UPF2: variants seen among roughly 807,000 people sequenced by gnomAD.
The protein encoded by UPF2 is UPF2 regulator of nonsense mediated mRNA decay.
A neutral mutation model predicts 141.4 loss-of-function variants in UPF2; 17 were observed. That is an observed-to-expected ratio of 0.12 (90% CI 0.08 to 0.18). The LOEUF is 0.18. Ranked by LOEUF, UPF2 falls within the 10% of genes least tolerant of loss-of-function variation. The pLI, the probability that UPF2 is intolerant of heterozygous loss-of-function variation, is 1.00. For missense variants in UPF2, 1,152 were observed against 1,515.9 expected, an observed-to-expected ratio of 0.76 and a Z score of 3.99; for synonymous variants, 540 against 498.0, an observed-to-expected ratio of 1.08 and a Z score of -1.12.
rs1039288556 is a variant in UPF2, at chr10:11,920,270, G to A, written c.*1028C>T. 1.3e-5 allele frequency: 2 copies of A among 151,736 alleles called. No individual in the cohort carries two copies. Among genetic ancestry groups the A allele is most frequent in the African/African-American group, 4.8e-5 (2 of 41,332 alleles). The allele number at this position is 151,736 out of a possible 1,614,324, so 9.4% of individuals were successfully genotyped here. A position where few individuals can be genotyped will look rare whatever the true frequency, so the allele number is the denominator to read the frequency against. On this transcript the variant is annotated 3_prime_UTR_variant, in exon 22 of 22. Transcript: ENST00000357604. The stretch of plus-strand genomic sequence containing the variant: ...TACGCCTGCTGGAAAGCAAACCAAA[G>A]ACAGCTGTCCTAAGAAATTAACAGA...
intron 1 of UPF2, among the ~76,000 whole-genome samples, chr10:12,039,480 T>C (rs944178018): frequency 6.6e-6 from 1 of 152,196 alleles, no homozygotes; most frequent in Admixed American, 6.6e-5. Context: ...CATGATCTTA[T>C]TGAAGGATAT....
rs189798385 is a variant in UPF2 at position 12,038,159 on chromosome 10, G to A, written c.-18-2718C>T. Among the ~76,000 whole-genome samples, 805 of 152,184 alleles carry A rather than the reference G, an allele frequency of 5.3e-3. 3 individuals carry two copies. Among genetic ancestry groups the A allele is most frequent in the South Asian group, 0.011 (53 of 4,818 alleles). On this transcript the variant is annotated intron_variant, in intron 1 of 21. Coordinates refer to ENST00000357604, the MANE Select transcript of UPF2 (RefSeq NM_015542.4). ...GCAATTTGGGAGGCCAAGGTGGGCG[G>A]ATCACCTGAAGTCAGGAGTTTGAGT...
At chr10:12,037,539 G>A (rs1834654342) in intron 1 of UPF2, among the ~76,000 whole-genome samples, 1 of 151,484 alleles carries the variant, frequency 6.6e-6, no homozygotes, top group South Asian at 2.1e-4. Flanking sequence ...GAGATTATAA[G>A]TGTGTGCCAT....
At chr10:11,929,043 G>C (rs1832749794) in intron 21 of UPF2, among the ~76,000 whole-genome samples, 1 of 152,002 alleles carries the variant, frequency 6.6e-6, no homozygotes. Flanking sequence ...AGCTACTCGG[G>C]AGGTTGAGGC....
At chr10:11,975,425 T>G (rs1182043356) in intron 9 of UPF2, among the ~76,000 whole-genome samples, 1 of 152,248 alleles carries the variant, frequency 6.6e-6, no homozygotes, top group African/African-American at 2.4e-5. Context: ...CTTTTCTACT[T>G]TCTAAGCATT....
rs1336658020 is a variant in UPF2, at chr10:12,006,727, T to C, written c.1307-2000A>G. 2.0e-5 allele frequency among the ~76,000 whole-genome samples: 3 copies of C among 152,188 alleles called. No homozygotes were observed. The East Asian group carries it at 5.8e-4, about 29-fold the overall frequency. On this transcript the variant is annotated intron_variant, in intron 4 of 21. Coordinates refer to ENST00000357604, the MANE Select transcript of UPF2 (RefSeq NM_015542.4). ...AATATATAGAGCATAGTATAATGAA[T>C]ATATTTGGTGTTTGTCCTTGGTTCC...
chr10:12,036,986 T>A (rs188223629), intron 1 of UPF2, among the ~76,000 whole-genome samples: 19 of 152,210 alleles, frequency 1.2e-4, no homozygotes, highest in African/African-American at 4.6e-4. Context: ...GATCACGCCA[T>A]TGGACTCCAG....
intron 19 of UPF2, among the ~76,000 whole-genome samples, chr10:11,934,371 G>A (rs1271903683): frequency 6.6e-6 from 1 of 152,130 alleles, no homozygotes; most frequent in African/African-American, 2.4e-5. Context: ...GTAAAGGAAT[G>A]GGGATGTGCC....
chr10:11,948,516 T>C lies in UPF2; in HGVS notation c.3035-8A>G, dbSNP rs1193160249. On this transcript the variant is annotated splice_region_variant and splice_polypyrimidine_tract_variant and intron_variant, in intron 15 of 21. Coordinates refer to ENST00000357604, the MANE Select transcript of UPF2 (RefSeq NM_015542.4). ...CTTTGTCATTTACTAGGCCTTGAAA[T>C]GAGAAGGTGGAAATGGAAAAATACA... 1.9e-6 allele frequency: 3 copies of C among 1,610,092 alleles called. No individual in the cohort carries two copies.
In UPF2 at chr10:11,956,492, T is replaced by C. The variant is rs758146197; in HGVS notation, c.2402A>G (p.Gln801Arg). 1 of 1,613,818 alleles carries C rather than the reference T, an allele frequency of 6.2e-7. No homozygotes were observed. Among genetic ancestry groups the C allele is most frequent in the South Asian group, 1.1e-5 (1 of 91,006 alleles). Residue 801 changes from glutamine to arginine, a missense_variant, in exon 13 of 22, where the codon CAG becomes CGG. Around this residue, in one of 4 missense-constraint regions of UPF2, gnomAD observed 739 missense variants for 1,032.2 expected, o/e 0.72. Coordinates refer to ENST00000357604, the MANE Select transcript of UPF2 (RefSeq NM_015542.4). The surrounding 1 kb of genome is among the most constrained non-coding windows in gnomAD (Gnocchi z 4.2). ...VLRQMRKLPW[Q>R]DQEVKDYVIC... ...AACATAGTCTTTCACTTCTTGGTCC[T>C]GCCAGGGCAGCTTTCGCATCTGTCT... is the stretch of plus-strand genomic sequence containing the variant.
intron 7 of UPF2, 64 bp from the exon 8 acceptor site, chr10:11,997,821 T>G: frequency 7.2e-7 from 1 of 1,392,834 alleles, no homozygotes; most frequent in East Asian, 2.3e-5. Context: ...GCAGAAATCC[T>G]GCCTACTATG....
At chr10:11,958,680 T>C (rs1407184318) in intron 12 of UPF2, among the ~76,000 whole-genome samples, 1 of 152,214 alleles carries the variant, frequency 6.6e-6, no homozygotes, top group Non-Finnish European at 1.5e-5. Context: ...ATTATTAAGA[T>C]AATAGGTCAG....
Position 11,931,705 on chromosome 10 carries a change from C to T in UPF2, c.3624G>A (p.Glu1208=). ...HWNQQQAEQE[E]RMRMKKLTLD... Reference sequence around the variant, plus strand: ...GTGTGAGCTTTTTCATTCTCATCCTCTCTTCTTGTTCTGCCTGTTGCTGGT... The same window carrying T: ...GTGTGAGCTTTTTCATTCTCATCCTTTCTTCTTGTTCTGCCTGTTGCTGGT... The change falls in exon 20 of 22, where the codon GAG becomes GAA. Residue 1208 remains glutamate, a synonymous_variant. Transcript: ENST00000357604. This position sits in a 1 kb window ranked among gnomAD's most constrained non-coding sequence, Gnocchi z 5.9. 6.2e-7 allele frequency: 1 copy of T among 1,613,760 alleles called. No individual in the cohort carries two copies. Among genetic ancestry groups the T allele is most frequent in the Non-Finnish European group, 8.5e-7 (1 of 1,179,952 alleles).
rs768157844 is a variant in UPF2, at chr10:11,992,527, A to G, written c.1844+5145T>C. Among the ~76,000 whole-genome samples, 15 of 152,176 alleles carry G rather than the reference A, an allele frequency of 9.9e-5. No homozygotes were observed. The highest frequency in any genetic ancestry group is 2.2e-4 in the Non-Finnish European group (15 of 68,030). On this transcript the variant is annotated intron_variant, in intron 8 of 21. Transcript: ENST00000357604. The surrounding 1 kb of genome is among the most constrained non-coding windows in gnomAD (Gnocchi z 4.1). ...TAAGCAAACTTACAATCATAAAGTA[A>G]TAAAATAATAATGCAAACCTTCCTA...
Position 12,029,132 on chromosome 10 carries a change from T to A in UPF2, c.758A>T (p.Glu253Val). The change falls in exon 3 of 22, where the codon GAG (glutamate) becomes GTG (valine). Residue 253 changes from glutamate to valine, a missense_variant. Around this residue, in one of 4 missense-constraint regions of UPF2, gnomAD observed 739 missense variants for 1,032.2 expected, o/e 0.72. Coordinates refer to ENST00000357604, the MANE Select transcript of UPF2 (RefSeq NM_015542.4). ...VWKKHFEARK[E>V]EKTPNITKLR... The stretch of plus-strand genomic sequence containing the variant: ...CTTGGTGATGTTAGGTGTTTTCTCC[T>A]CTTTCCTTGCTTCAAAATGTTTTTT... 1.2e-6 allele frequency: 2 copies of A among 1,614,262 alleles called. No individual in the cohort carries two copies. Among genetic ancestry groups the A allele is most frequent in the South Asian group, 1.1e-5 (1 of 91,090 alleles).
chr10:11,948,771 A>G (rs1192090228), intron 15 of UPF2, among the ~76,000 whole-genome samples: 7 of 152,244 alleles, frequency 4.6e-5, no homozygotes, highest in Non-Finnish European at 1.0e-4. Context: ...CTTTTCTTAC[A>G]GCTTTAAATA....
Position 12,004,558 on chromosome 10 carries a change from A to T in UPF2, c.1476T>A (p.Asn492Lys). ...LFKDNEKSCQ[N>K]KESNKDDTKE... ...TGGTATCATCTTTGTTGGACTCTTTATTCTGACAACTTTTTTCATTGTCTT... is the reference window on the plus strand; with the variant it reads ...TGGTATCATCTTTGTTGGACTCTTTTTTCTGACAACTTTTTTCATTGTCTT... The change falls in exon 5 of 22, where the codon AAT becomes AAA. Residue 492 changes from asparagine (N) to lysine (K), a missense_variant. Coordinates refer to ENST00000357604, the MANE Select transcript of UPF2 (RefSeq NM_015542.4). 1 of 1,613,420 alleles carries T rather than the reference A, an allele frequency of 6.2e-7. No homozygotes were observed. The highest frequency in any genetic ancestry group is 8.5e-7 in the Non-Finnish European group (1 of 1,179,720).
chr10:11,935,289 C>T lies in UPF2; in HGVS notation c.3546+1256G>A, dbSNP rs1054281761. Among the ~76,000 whole-genome samples, 1 of 152,052 alleles carries T rather than the reference C, an allele frequency of 6.6e-6. No homozygotes were observed. Among genetic ancestry groups the T allele is most frequent in the Non-Finnish European group, 1.5e-5 (1 of 68,018 alleles). On this transcript the variant is annotated intron_variant, in intron 19 of 21. Coordinates refer to ENST00000357604, the MANE Select transcript of UPF2 (RefSeq NM_015542.4). This position sits in a 1 kb window ranked among gnomAD's most constrained non-coding sequence, Gnocchi z 4.9. ...GCCTCCCAACACCAGAATGAAAGCTCGCAAGAGAGGAAGGACTCTGGCTAA... is the reference window on the plus strand; with the variant it reads ...GCCTCCCAACACCAGAATGAAAGCTTGCAAGAGAGGAAGGACTCTGGCTAA...
intron 4 of UPF2, among the ~76,000 whole-genome samples, chr10:12,008,489 G>A (rs1812297145): frequency 1.3e-5 from 2 of 151,730 alleles, no homozygotes; most frequent in Admixed American, 6.6e-5. Context: ...AATTAGCCAG[G>A]CATGGTGACA....
Sources: gnomAD v4.1 joint callset for allele counts (sites outside exome capture counted in the v4.1 genomes callset) on GRCh38, gnomAD v4.1.1 for gene constraint, gnomAD v4.1.1 regional missense constraint, Gnocchi (gnomAD v3.1) non-coding constraint, MANE v1.5 for transcripts, NCBI Gene and HGNC (gene_info 2026-07-23, HGNC 2026-07-21) for gene names.